CDC27: variants seen among roughly 807,000 people sequenced by gnomAD.
The protein encoded by CDC27 is cell division cycle 27.
CDC27 carries 27 observed loss-of-function variants against 109.7 expected under a neutral mutation model. The ratio of observed to expected loss-of-function variants is 0.25; its 90% CI spans 0.18 to 0.34. The LOEUF (loss-of-function observed/expected upper bound fraction) is 0.34, where lower values mean the gene tolerates loss of function less well. Ranked by LOEUF, CDC27 falls within the 10% of genes least tolerant of loss-of-function variation. CDC27 has a pLI of 1.00. For missense variants in CDC27, 579 were observed against 960.2 expected, an observed-to-expected ratio of 0.60 and a Z score of 5.25; for synonymous variants, 266 against 333.9, an observed-to-expected ratio of 0.80 and a Z score of 2.22.
chr17:47,144,871 T>TCTCACACACACACACACACACA (rs1555788695), intron 9 of CDC27, among the ~76,000 whole-genome samples: 3 of 149,990 alleles, frequency 2.0e-5, no homozygotes, highest in East Asian at 3.9e-4. Context: ...TGTGTGTATA[T>TCTCACACACACACACACACACA]CACACACACA....
chr17:47,168,910 C>T (rs1013123252), intron 4 of CDC27, among the ~76,000 whole-genome samples: 4 of 151,712 alleles, frequency 2.6e-5, no homozygotes, highest in Admixed American at 6.6e-5. Flanking sequence ...ACTTCTCCCA[C>T]GGGGGAGAAG....
chr17:47,133,392 C>T (rs2062455917), intron 14 of CDC27, among the ~76,000 whole-genome samples: 1 of 148,986 alleles, frequency 6.7e-6, no homozygotes. Context: ...CCCGCCTTGG[C>T]CTCCCAAAGT....
At chr17:47,174,793 T>C (rs1343986386) in intron 2 of CDC27, among the ~76,000 whole-genome samples, 2 of 152,008 alleles carry the variant, frequency 1.3e-5, no homozygotes, top group Non-Finnish European at 2.9e-5. Context: ...CCATCTCTAC[T>C]AAAAATACAA....
At chr17:47,140,584 C>A (rs185525802) in intron 12 of CDC27, among the ~76,000 whole-genome samples, 51 of 152,248 alleles carry the variant, frequency 3.3e-4, no homozygotes, top group Non-Finnish European at 4.1e-4. Flanking sequence ...GAAACAGAGG[C>A]TTTCTTTAAT....
At chr17:47,131,400 AT>A (rs2062327425) in intron 15 of CDC27, among the ~76,000 whole-genome samples, 1 of 152,102 alleles carries the variant, frequency 6.6e-6, no homozygotes, top group Non-Finnish European at 1.5e-5. Context: ...GGTCAATGTC[AT>A]TATAGTCAAT....
chr17:47,138,445 T>C (rs2062690035), intron 13 of CDC27, among the ~76,000 whole-genome samples: 1 of 152,222 alleles, frequency 6.6e-6, no homozygotes, highest in South Asian at 2.1e-4. Flanking sequence ...ATTTTTTCAA[T>C]CTATGTAACT....
At chr17:47,132,584 G>A (rs778379805) in intron 14 of CDC27, among the ~76,000 whole-genome samples, 1 of 150,510 alleles carries the variant, frequency 6.6e-6, no homozygotes, top group African/African-American at 2.4e-5. Context: ...ATTTTTTTTT[G>A]AATTAGGGTC....
chr17:47,158,443 C>T (rs1037624802), intron 4 of CDC27, 140 bp from the exon 5 acceptor site: 3 of 410,436 alleles, frequency 7.3e-6, no homozygotes, highest in African/African-American at 6.2e-5. Context: ...ACCAATTTCT[C>T]CCATCTGCTA....
chr17:47,120,786 A>T lies in CDC27; in HGVS notation c.*149T>A, dbSNP rs1199279249. On this transcript the variant is annotated 3_prime_UTR_variant, in exon 19 of 19. Coordinates refer to ENST00000066544, the MANE Select transcript of CDC27 (RefSeq NM_001256.6). ...TTGCACTGCCTTTCATTCTGTATAC[A>T]GTCAGGGTCCAATGAAAGTGGCACA... 4 of 603,198 alleles carry T rather than the reference A, an allele frequency of 6.6e-6. No homozygotes were observed. The highest frequency in any genetic ancestry group is 1.2e-5 in the Non-Finnish European group (4 of 333,698). The allele number at this position is 603,198 out of a possible 1,614,324, so 37.4% of individuals were successfully genotyped here.
chr17:47,167,645 T>C (rs2063689657), intron 4 of CDC27, among the ~76,000 whole-genome samples: 7 of 152,234 alleles, frequency 4.6e-5, no homozygotes, highest in Admixed American at 3.3e-4. Context: ...ATTTTGTTTT[T>C]TCCTATTCTC....
intron 18 of CDC27, among the ~76,000 whole-genome samples, chr17:47,121,599 C>T (rs770065515): frequency 6.6e-6 from 1 of 152,168 alleles, no homozygotes; most frequent in Non-Finnish European, 1.5e-5. Context: ...CGTACCACCA[C>T]AGCCAGCTAC....
chr17:47,189,155 T>C lies in CDC27; in HGVS notation c.18A>G (p.Glu6=). ...AGAAGGTTATCATTACCTGGACGGG[T>C]TCCTGCAGCACCGTCATCCTCGAGG... MTVLQ[E]PVQAAIWQAL... Residue 6 remains glutamate (E), a synonymous_variant, in exon 1 of 19, where the codon GAA becomes GAG. Coordinates refer to ENST00000066544, the MANE Select transcript of CDC27 (RefSeq NM_001256.6). 1 of 1,613,364 alleles carries C rather than the reference T, an allele frequency of 6.2e-7. No individual in the cohort carries two copies. The highest frequency in any genetic ancestry group is 1.1e-5 in the South Asian group (1 of 91,064).
chr17:47,178,694 T>A (rs2064111141), intron 2 of CDC27, among the ~76,000 whole-genome samples: 1 of 152,186 alleles, frequency 6.6e-6, no homozygotes, highest in South Asian at 2.1e-4. Flanking sequence ...AACTATCTTG[T>A]TAAACAGATA....
chr17:47,159,264 G>C (rs1344119074), intron 4 of CDC27: 1 of 557,746 alleles, frequency 1.8e-6, no homozygotes, highest in African/African-American at 1.9e-5. Flanking sequence ...GAGGTGGTCA[G>C]TGAATTCCCG....
chr17:47,160,246 T>G (rs74809933), intron 4 of CDC27, among the ~76,000 whole-genome samples: 2 of 150,448 alleles, frequency 1.3e-5, no homozygotes, highest in Admixed American at 6.6e-5. Flanking sequence ...TTTTTTTTTT[T>G]CCTGAGAGTC....
At chr17:47,189,031 G>C in intron 1 of CDC27, 115 bp downstream of exon 1, 2 of 1,510,126 alleles carry the variant, frequency 1.3e-6, no homozygotes, top group African/African-American at 2.7e-5. Flanking sequence ...CACGGCAGCA[G>C]GGGAGGCGGG....
chr17:47,127,537 G>A (rs2062182640), intron 16 of CDC27, among the ~76,000 whole-genome samples: 1 of 151,706 alleles, frequency 6.6e-6, no homozygotes, highest in Non-Finnish European at 1.5e-5. Context: ...CAGGTAGCTG[G>A]GATTACAGGT....
intron 9 of CDC27, among the ~76,000 whole-genome samples, chr17:47,149,527 A>AG (rs1246920812): frequency 2.6e-5 from 4 of 151,884 alleles, no homozygotes; most frequent in Non-Finnish European, 4.4e-5. Flanking sequence ...AAAAAAAAAA[A>AG]AAAGAAATGT....
intron 2 of CDC27, among the ~76,000 whole-genome samples, chr17:47,176,559 C>T (rs2064017352): frequency 6.6e-6 from 1 of 151,956 alleles, no homozygotes; most frequent in African/African-American, 2.4e-5. Context: ...CAGAAAATGG[C>T]AATATATGAG....
Sources: gnomAD v4.1 joint callset for allele counts (sites outside exome capture counted in the v4.1 genomes callset) on GRCh38, gnomAD v4.1.1 for gene constraint, MANE v1.5 for transcripts, NCBI Gene and HGNC (gene_info 2026-07-23, HGNC 2026-07-21) for gene names.